CRACD: variants seen among roughly 807,000 people sequenced by gnomAD.
CRACD encodes the protein capping protein inhibiting regulator of actin dynamics.
Under a neutral mutation model 106.8 loss-of-function variants are expected in CRACD, and 56 were observed. The observed-to-expected ratio is 0.52, with a 90% CI of 0.42 to 0.66. The LOEUF is 0.66. CRACD is among the 30% of genes least tolerant of loss of function. The probability of loss-of-function intolerance (pLI) is 0.00; values close to 1 mark genes in which losing one functional copy is unlikely to be tolerated. For missense variants in CRACD, 1,730 were observed against 1,623.2 expected (o/e 1.07, Z -1.13); for synonymous variants, 754 against 670.8 (o/e 1.12, Z -1.92).
At chr4:56,080,083 C>T (rs1732972116) in intron 1 of CRACD, among the ~76,000 whole-genome samples, 1 of 152,116 alleles carries the variant, frequency 6.6e-6, no homozygotes, top group South Asian at 2.1e-4. Flanking sequence ...TTGCTTATGT[C>T]CATAATCCCA....
At chr4:56,074,171 C>CT (rs1560443098) in intron 1 of CRACD, among the ~76,000 whole-genome samples, 1 of 152,070 alleles carries the variant, frequency 6.6e-6, no homozygotes, top group Non-Finnish European at 1.5e-5. Flanking sequence ...TATACGAGCT[C>CT]TTTTTTGGTT....
intron 1 of CRACD, among the ~76,000 whole-genome samples, chr4:56,132,978 G>C (rs1734878894): frequency 6.6e-6 from 1 of 152,162 alleles, no homozygotes; most frequent in African/African-American, 2.4e-5. Flanking sequence ...TGTTGTGCTG[G>C]ACAGCAGAGC....
intron 1 of CRACD, among the ~76,000 whole-genome samples, chr4:56,113,649 A>G (rs1337284609): frequency 6.6e-6 from 1 of 152,116 alleles, no homozygotes; most frequent in Non-Finnish European, 1.5e-5. Flanking sequence ...GCCTGATAGC[A>G]CTTCATCATA....
At chr4:56,246,427 A>G (rs1335323146) in intron 2 of CRACD, 1 of 152,196 alleles carries the variant, frequency 6.6e-6, no homozygotes, top group Non-Finnish European at 1.5e-5. Context: ...TCCTTCACAC[A>G]GGGGTTCTCA....
At chr4:56,302,059 C>CT (rs1246883536) in intron 4 of CRACD, among the ~76,000 whole-genome samples, 1 of 152,108 alleles carries the variant, frequency 6.6e-6, no homozygotes, top group Admixed American at 6.6e-5. Flanking sequence ...CCAGCCCCAC[C>CT]TGGCTGTATG....
chr4:56,256,745 T>C (rs986370489), intron 2 of CRACD, among the ~76,000 whole-genome samples: 7 of 152,340 alleles, frequency 4.6e-5, no homozygotes, highest in Admixed American at 4.6e-4. Flanking sequence ...TACATTATCT[T>C]CTTTCTCTCA....
At chr4:56,083,745 G>A (rs1173090305) in intron 1 of CRACD, among the ~76,000 whole-genome samples, 1 of 152,110 alleles carries the variant, frequency 6.6e-6, no homozygotes, top group African/African-American at 2.4e-5. Flanking sequence ...GAGGGTTGAG[G>A]CAGGTAGATC....
Position 56,286,525 on chromosome 4 carries a change from C to CAAAAAAAA in CRACD, c.-16-11674_-16-11667dup, listed in dbSNP as rs61498428. Among the ~76,000 whole-genome samples the CAAAAAAAA allele has an allele frequency of 2.3e-4, 21 of 89,366 alleles. 2 individuals are homozygous for CAAAAAAAA. Among genetic ancestry groups the CAAAAAAAA allele is most frequent in the African/African-American group, 4.0e-4 (10 of 24,848 alleles). 58.6% of individuals were successfully genotyped at this position (89,366 alleles called of 152,430 possible). On this transcript the variant is annotated intron_variant, in intron 3 of 10. Transcript: ENST00000682029. Reference sequence around the variant, plus strand: ...TGGGCGACAGAGCGAGACTCCGTCTCAAAAAAAAAAAAAAAAAAAAAAGAT... The same window carrying CAAAAAAAA: ...TGGGCGACAGAGCGAGACTCCGTCTCAAAAAAAAAAAAAAAAAAAAAAAAAAAAAAGAT...
At chr4:56,265,957 G>C (rs557125449) in intron 2 of CRACD, among the ~76,000 whole-genome samples, 2 of 152,092 alleles carry the variant, frequency 1.3e-5, no homozygotes, top group Non-Finnish European at 2.9e-5. Context: ...GACTTCCCTA[G>C]TGATTTTTAA....
At chr4:56,199,162 T>C (rs1421309198) in intron 2 of CRACD, among the ~76,000 whole-genome samples, 1 of 152,106 alleles carries the variant, frequency 6.6e-6, no homozygotes, top group Admixed American at 6.5e-5. Flanking sequence ...TACACTGCCG[T>C]GGAAGGATGA....
chr4:56,080,532 C>G (rs1732986962), intron 1 of CRACD, among the ~76,000 whole-genome samples: 2 of 152,250 alleles, frequency 1.3e-5, no homozygotes, highest in Admixed American at 6.5e-5. Context: ...AGTGCTGTTA[C>G]AGCACACATG....
chr4:56,142,564 A>G (rs1305899456), intron 1 of CRACD, among the ~76,000 whole-genome samples: 1 of 152,122 alleles, frequency 6.6e-6, no homozygotes, highest in Non-Finnish European at 1.5e-5. Flanking sequence ...ATGTTTATGT[A>G]ATTCTACCTA....
chr4:56,051,005 T>C (rs1419630392), intron 1 of CRACD, among the ~76,000 whole-genome samples: 2 of 152,238 alleles, frequency 1.3e-5, no homozygotes, highest in East Asian at 3.9e-4. Flanking sequence ...TACAAAGCAC[T>C]ATAATAAATG....
intron 1 of CRACD, among the ~76,000 whole-genome samples, chr4:56,127,214 C>A (rs1487668975): frequency 6.6e-6 from 1 of 152,128 alleles, no homozygotes; most frequent in South Asian, 2.1e-4. Context: ...GATGCTAGTG[C>A]CTTGATCTTG....
chr4:56,182,868 TG>T (rs1385644134), intron 2 of CRACD, among the ~76,000 whole-genome samples: 2 of 65,678 alleles, frequency 3.0e-5, no homozygotes, highest in Non-Finnish European at 6.6e-5. Flanking sequence ...AAGATATGTG[TG>T]TGTGTGTGTG....
Position 56,301,314 on chromosome 4 carries a change from G to A in CRACD, c.120+2965G>A, listed in dbSNP as rs575087053. On this transcript the variant is annotated intron_variant, in intron 4 of 10. Coordinates refer to ENST00000682029, the MANE Select transcript of CRACD (RefSeq NM_001393381.1). ...ATGCTTTGCATTTTTCCATGACAAC[G>A]TGATGCTGGTATTGATGCTTAGTAA... The A allele has an allele frequency of 2.6e-4, 279 of 1,084,248 alleles. 1 individual carries two copies. Among genetic ancestry groups the A allele is most frequent in the Admixed American group, 4.1e-4 (17 of 41,298 alleles). The allele number at this position is 1,084,248 out of a possible 1,614,324, so 67.2% of individuals were successfully genotyped here.
intron 2 of CRACD, among the ~76,000 whole-genome samples, chr4:56,225,362 G>A (rs925554489): frequency 6.6e-6 from 1 of 152,116 alleles, no homozygotes; most frequent in Non-Finnish European, 1.5e-5. Flanking sequence ...CCAAAGTGCT[G>A]GGATTACAGG....
chr4:56,251,075 G>C lies in CRACD; in HGVS notation c.-188-21246G>C, dbSNP rs531289596. Among the ~76,000 whole-genome samples, 5 of 152,286 alleles carry C rather than the reference G, an allele frequency of 3.3e-5. 1 individual carries two copies. In the East Asian group the frequency reaches 7.7e-4, roughly 23 times the overall value. ...GCTTCCATTTAATGGTTCCAGAATAGTCTTCTTCCATCTTTTACTTAATAC... is the reference window on the plus strand; with the variant it reads ...GCTTCCATTTAATGGTTCCAGAATACTCTTCTTCCATCTTTTACTTAATAC... On this transcript the variant is annotated intron_variant, in intron 2 of 10. Transcript: ENST00000682029.
At chr4:56,279,104 A>T (rs1742849230) in intron 3 of CRACD, among the ~76,000 whole-genome samples, 1 of 152,190 alleles carries the variant, frequency 6.6e-6, no homozygotes, top group Non-Finnish European at 1.5e-5. Flanking sequence ...CCTTCACTTT[A>T]TAAATGGGGA....
Sources: gnomAD v4.1 joint callset for allele counts (sites outside exome capture counted in the v4.1 genomes callset) on GRCh38, gnomAD v4.1.1 for gene constraint, MANE v1.5 for transcripts, NCBI Gene and HGNC (gene_info 2026-07-23, HGNC 2026-07-21) for gene names.